Variants in KANK1 observed in about 807,000 individuals in gnomAD.
The protein encoded by KANK1 is KN motif and ankyrin repeat domain-containing protein 1.
A neutral mutation model predicts 106.2 loss-of-function variants in KANK1; 109 were observed. The ratio of observed to expected loss-of-function variants is 1.03; its 90% CI spans 0.88 to 1.20. The LOEUF (loss-of-function observed/expected upper bound fraction) is 1.20, where lower values mean the gene tolerates loss of function less well. Among genes scored for constraint, KANK1 ranks in the 50% most tolerant of loss-of-function variants. The pLI is 0.00. For missense variants in KANK1, 2,399 were observed against 1,710.7 expected, an observed-to-expected ratio of 1.40 and a Z score of -7.10; for synonymous variants, 873 against 652.2, an observed-to-expected ratio of 1.34 and a Z score of -5.16.
intron 1 of KANK1, among the ~76,000 whole-genome samples, chr9:610,114 G>C (rs1434913388): frequency 6.6e-6 from 1 of 152,078 alleles, no homozygotes; most frequent in Non-Finnish European, 1.5e-5. Flanking sequence ...GCTACTTTAA[G>C]TATCATTGCA....
At chr9:499,531 C>T (rs1279384739) in intron 3 of KANK1, among the ~76,000 whole-genome samples, 6 of 152,166 alleles carry the variant, frequency 3.9e-5, no homozygotes, top group Admixed American at 1.3e-4. Context: ...CCTCCACCGC[C>T]GACAAGGCTG....
At chr9:614,330 A>G (rs945618819) in intron 1 of KANK1, among the ~76,000 whole-genome samples, 16 of 152,192 alleles carry the variant, frequency 1.1e-4, no homozygotes, top group African/African-American at 3.9e-4. Context: ...TGTTTTCTCT[A>G]TTCAGGTAAT....
intron 2 of KANK1, among the ~76,000 whole-genome samples, chr9:696,638 G>A (rs1885922): frequency 0.012 from 1,866 of 152,222 alleles, 36 homozygotes; most frequent in African/African-American, 0.043. Flanking sequence ...AGGAACCTGG[G>A]AGGTGCTGGA....
chr9:665,934 C>T (rs946630255), intron 1 of KANK1, among the ~76,000 whole-genome samples: 12 of 152,160 alleles, frequency 7.9e-5, no homozygotes, highest in Non-Finnish European at 1.3e-4. Context: ...AATCCCAACA[C>T]TTCGAGAGGC....
chr9:546,958 C>T (rs2060969405), intron 1 of KANK1, among the ~76,000 whole-genome samples: 1 of 152,174 alleles, frequency 6.6e-6, no homozygotes, highest in South Asian at 2.1e-4. Context: ...AAATGGTTCT[C>T]ACCAGATAGG....
chr9:578,939 C>T (rs957426476), intron 1 of KANK1, among the ~76,000 whole-genome samples: 5 of 152,184 alleles, frequency 3.3e-5, no homozygotes, highest in African/African-American at 9.7e-5. Context: ...ACTCTCATAA[C>T]TCTAGGAATT....
intron 1 of KANK1, among the ~76,000 whole-genome samples, chr9:556,736 A>T (rs910436604): frequency 6.6e-6 from 1 of 152,070 alleles, no homozygotes; most frequent in African/African-American, 2.4e-5. Flanking sequence ...GTTCCTGAAT[A>T]GTTTTAGTTT....
intron 1 of KANK1, among the ~76,000 whole-genome samples, chr9:560,531 G>C (rs1325841712): frequency 2.0e-5 from 3 of 152,194 alleles, no homozygotes; most frequent in Non-Finnish European, 4.4e-5. Flanking sequence ...GGCACAGCCA[G>C]GAGCGAAATG....
intron 3 of KANK1, among the ~76,000 whole-genome samples, chr9:727,030 T>G (rs75097041): frequency 0.034 from 5,108 of 152,330 alleles, 262 homozygotes; most frequent in African/African-American, 0.11. Flanking sequence ...TGACCTATTT[T>G]TAATACACAT....
chr9:687,141 T>C lies in KANK1; in HGVS notation c.37+10132T>C, dbSNP rs1381949674. On this transcript the variant is annotated intron_variant, in intron 2 of 11. Coordinates refer to ENST00000382297, the MANE Select transcript of KANK1 (RefSeq NM_015158.5). ...TACTTCAATTCAGTGAGTTCATTCA[T>C]TCAGTGGCTCACTTTTAAATGACCA... 2.0e-5 allele frequency among the ~76,000 whole-genome samples: 3 copies of C among 152,280 alleles called. No homozygotes were observed. The South Asian group carries it at 6.2e-4, about 32-fold the overall frequency.
chr9:645,867 A>G (rs1839562322), intron 1 of KANK1, among the ~76,000 whole-genome samples: 2 of 151,050 alleles, frequency 1.3e-5, no homozygotes, highest in Non-Finnish European at 1.5e-5. Context: ...ATGACTTCAT[A>G]GACACACATT....
intron 2 of KANK1, among the ~76,000 whole-genome samples, chr9:682,701 G>A (rs552725024): frequency 1.2e-4 from 19 of 152,230 alleles, no homozygotes; most frequent in African/African-American, 4.3e-4. Context: ...CAAAGAAGCA[G>A]GATGACTGGG....
intron 1 of KANK1, among the ~76,000 whole-genome samples, chr9:593,118 C>T (rs2135597097): frequency 6.6e-6 from 1 of 151,936 alleles, no homozygotes; most frequent in Admixed American, 6.5e-5. Flanking sequence ...CTGTTGGAAC[C>T]TGGAAATTTG....
At chr9:488,816 G>GT (rs1226729911) in intron 3 of KANK1, 1 of 152,060 alleles carries the variant, frequency 6.6e-6, no homozygotes, top group East Asian at 1.9e-4. Context: ...TTTTGGGTCT[G>GT]TATTTTACAA....
At chr9:740,589 G>T (rs1564131951) in intron 8 of KANK1, among the ~76,000 whole-genome samples, 1 of 152,072 alleles carries the variant, frequency 6.6e-6, no homozygotes, top group Admixed American at 6.6e-5. Context: ...TCTTGCTTCA[G>T]GTGTCGTGAA....
At chr9:709,326 G>A (rs1010262766) in intron 2 of KANK1, among the ~76,000 whole-genome samples, 4 of 152,172 alleles carry the variant, frequency 2.6e-5, no homozygotes, top group Non-Finnish European at 5.9e-5. Flanking sequence ...TTTCTCAGCC[G>A]GGGAGGTGCC....
intron 3 of KANK1, among the ~76,000 whole-genome samples, chr9:727,775 T>C (rs562653118): frequency 6.6e-6 from 1 of 152,210 alleles, no homozygotes; most frequent in East Asian, 1.9e-4. Context: ...AATTTTATTA[T>C]CTGCTTTTTT....
intron 1 of KANK1, among the ~76,000 whole-genome samples, chr9:615,984 C>G (rs1195489491): frequency 6.6e-6 from 1 of 152,178 alleles, no homozygotes; most frequent in African/African-American, 2.4e-5. Flanking sequence ...AGACAAGCCT[C>G]TTGAGGCATG....
chr9:708,772 G>T (rs928591417), intron 2 of KANK1, among the ~76,000 whole-genome samples: 2 of 152,154 alleles, frequency 1.3e-5, no homozygotes, highest in Non-Finnish European at 2.9e-5. Context: ...TCAGGAGAGG[G>T]CAGGGAGACT....
Sources: allele counts gnomAD v4.1 joint callset (sites outside exome capture counted in the v4.1 genomes callset), GRCh38; gene constraint gnomAD v4.1.1; transcripts MANE v1.5; gene names NCBI Gene and HGNC (gene_info 2026-07-23, HGNC 2026-07-21).